GALNT17: variants seen among roughly 807,000 people sequenced by gnomAD.
GALNT17 encodes polypeptide N-acetylgalactosaminyltransferase 17, also known as UDP-GalNAc:polypeptide N-acetylgalactosaminyltransferase-like 3.
GALNT17 carries 29 observed loss-of-function variants against 63.7 expected under a neutral mutation model. The observed-to-expected ratio is 0.46, with a 90% CI of 0.34 to 0.62. The LOEUF is 0.62. Among genes scored for constraint, GALNT17 ranks in the 20% least tolerant of loss-of-function variants. The pLI is 0.01. For missense variants in GALNT17, 603 were observed against 799.6 expected (o/e 0.75, Z 2.97); for synonymous variants, 305 against 318.3 (o/e 0.96, Z 0.45).
chr7:71,310,739 T>C (rs1183603664), intron 1 of GALNT17, among the ~76,000 whole-genome samples: 29 of 152,246 alleles, frequency 1.9e-4, no homozygotes, highest in Admixed American at 1.7e-3. Context: ...CAGAAGACTT[T>C]CCTTTCTATT....
At chr7:71,363,921 A>C (rs1195110363) in intron 2 of GALNT17, among the ~76,000 whole-genome samples, 1 of 152,220 alleles carries the variant, frequency 6.6e-6, no homozygotes, top group Non-Finnish European at 1.5e-5. Flanking sequence ...GTTTGTTTCC[A>C]TATCCAGTAA....
At chr7:71,658,352 C>A (rs866389270) in intron 6 of GALNT17, among the ~76,000 whole-genome samples, 1 of 152,206 alleles carries the variant, frequency 6.6e-6, no homozygotes, top group East Asian at 1.9e-4. Flanking sequence ...AGTGTGTCTT[C>A]TTCCAGGACA....
chr7:71,639,848 G>C (rs935841314), intron 6 of GALNT17, among the ~76,000 whole-genome samples: 3 of 150,586 alleles, frequency 2.0e-5, no homozygotes, highest in South Asian at 2.1e-4. Context: ...TCTTTCAGAG[G>C]GGGGTGAGCT....
rs1389617601 is a variant in GALNT17 at position 71,701,832 on chromosome 7, TATATATATGTGTATATATATATACAC to T, written c.1501-8920_1501-8895del. Among the ~76,000 whole-genome samples, 848 of 56,616 alleles carry T rather than the reference TATATATATGTGTATATATATATACAC, an allele frequency of 0.015. 21 individuals are homozygous for T. The East Asian group carries it at 0.29, about 19-fold the overall frequency. The allele number at this position is 56,616 out of a possible 152,430, so 37.1% of individuals were successfully genotyped here. Reference sequence around the variant, plus strand: ...ATATATATACACATATATATACACATATATATATGTGTATATATATATACACATATATATATACATATATATATGTA... The same window carrying T: ...ATATATATACACATATATATACACATATATATATATACATATATATATGTA... On this transcript the variant is annotated intron_variant, in intron 9 of 10. Transcript: ENST00000333538.
Position 71,388,353 on chromosome 7 carries a change from A to G in GALNT17, c.541A>G (p.Thr181Ala). The G allele has an allele frequency of 6.2e-7, 1 of 1,613,928 alleles. No homozygotes were observed. Among genetic ancestry groups the G allele is most frequent in the Non-Finnish European group, 8.5e-7 (1 of 1,179,962 alleles). The change falls in exon 3 of 11, where the codon ACA (threonine) becomes GCA (alanine). Residue 181 changes from threonine (T) to alanine (A), a missense_variant. Thr to Ala is a moderately conservative substitution (Grantham distance 58). Transcript: ENST00000333538. ...SVHSAVNHTP[T>A]HLLKEIILVD... ...GCACAGTGCCGTCAATCACACGCCC[A>G]CACACCTGCTGAAGGAAATCATTCT... is the stretch of plus-strand genomic sequence containing the variant.
intron 2 of GALNT17, among the ~76,000 whole-genome samples, chr7:71,370,993 T>G (rs909253425): frequency 6.6e-6 from 1 of 152,202 alleles, no homozygotes; most frequent in African/African-American, 2.4e-5. Context: ...GTATCTGTAT[T>G]TGTTTTCAAG....
At chr7:71,186,473 G>C (rs1788853126) in intron 1 of GALNT17, among the ~76,000 whole-genome samples, 1 of 152,192 alleles carries the variant, frequency 6.6e-6, no homozygotes, top group Non-Finnish European at 1.5e-5. Context: ...TACTATCTTT[G>C]CTCTTCTTTG....
At chr7:71,252,366 A>G (rs1471186512) in intron 1 of GALNT17, among the ~76,000 whole-genome samples, 1 of 152,036 alleles carries the variant, frequency 6.6e-6, no homozygotes, top group African/African-American at 2.4e-5. Context: ...CTCTACTAAA[A>G]ATATAAAAAT....
intron 1 of GALNT17, among the ~76,000 whole-genome samples, chr7:71,189,159 C>T (rs1016763618): frequency 1.1e-4 from 16 of 152,188 alleles, no homozygotes; most frequent in East Asian, 7.7e-4. Flanking sequence ...ATACTATCCT[C>T]GTGGTAGTGA....
At chr7:71,674,797 G>A (rs951490760) in intron 8 of GALNT17, among the ~76,000 whole-genome samples, 1 of 152,132 alleles carries the variant, frequency 6.6e-6, no homozygotes, top group African/African-American at 2.4e-5. Flanking sequence ...GATTACAGGC[G>A]TGAGCCACCG....
At chr7:71,430,325 A>C (rs1398488870) in intron 5 of GALNT17, among the ~76,000 whole-genome samples, 2 of 152,216 alleles carry the variant, frequency 1.3e-5, no homozygotes, top group African/African-American at 2.4e-5. Context: ...CCATAAGTTC[A>C]TGAAAACCTG....
chr7:71,614,815 AAG>A (rs757811951), intron 6 of GALNT17, among the ~76,000 whole-genome samples: 277 of 141,356 alleles, frequency 2.0e-3, no homozygotes, highest in Non-Finnish European at 3.4e-3. Flanking sequence ...GTAATAGAGA[AAG>A]AGAGAGAATG....
intron 3 of GALNT17, among the ~76,000 whole-genome samples, chr7:71,402,939 C>T (rs866015328): frequency 5.9e-5 from 9 of 152,204 alleles, no homozygotes. Flanking sequence ...GCCTTCCCCC[C>T]TGCCTGTAAA....
chr7:71,137,139 CT>C (rs398005145), intron 1 of GALNT17, among the ~76,000 whole-genome samples: 7,893 of 117,262 alleles, frequency 0.067, 208 homozygotes, highest in Middle Eastern at 0.13. Context: ...ATATTTTTGA[CT>C]TTTTTTTTTT....
intron 5 of GALNT17, among the ~76,000 whole-genome samples, chr7:71,438,761 G>A (rs1787012127): frequency 6.6e-6 from 1 of 151,944 alleles, no homozygotes; most frequent in South Asian, 2.1e-4. Context: ...TATTATAATA[G>A]CCCTTTTCTT....
At chr7:71,450,316 G>A (rs1436828629) in intron 5 of GALNT17, among the ~76,000 whole-genome samples, 1 of 151,814 alleles carries the variant, frequency 6.6e-6, no homozygotes, top group Non-Finnish European at 1.5e-5. Context: ...TGTATTTTTA[G>A]TAGAGACGGG....
At chr7:71,336,884 T>C (rs559770698) in intron 2 of GALNT17, among the ~76,000 whole-genome samples, 46 of 152,146 alleles carry the variant, frequency 3.0e-4, no homozygotes, top group African/African-American at 1.0e-3. Flanking sequence ...CAAATGGGTC[T>C]GCTTTGAGTT....
chr7:71,568,413 A>C (rs1281815979), intron 5 of GALNT17, among the ~76,000 whole-genome samples: 1 of 152,210 alleles, frequency 6.6e-6, no homozygotes, highest in Non-Finnish European at 1.5e-5. Context: ...GGTTGCAATA[A>C]CAATACTAAT....
At chr7:71,181,959 G>A (rs577054924) in intron 1 of GALNT17, among the ~76,000 whole-genome samples, 6 of 152,132 alleles carry the variant, frequency 3.9e-5, no homozygotes, top group East Asian at 1.9e-4. Context: ...GCGGATCACC[G>A]GAGGTTGGGC....
Sources: gnomAD v4.1 joint callset for allele counts (sites outside exome capture counted in the v4.1 genomes callset) on GRCh38, gnomAD v4.1.1 for gene constraint, MANE v1.5 for transcripts, NCBI Gene and HGNC (gene_info 2026-07-23, HGNC 2026-07-21) for gene names.